Variants in HTRA1 observed in about 807,000 individuals in gnomAD.
HTRA1 encodes serine protease HTRA1.
In HTRA1, 26 loss-of-function variants were observed where a neutral mutation model predicts 49.7. The ratio of observed to expected loss-of-function variants is 0.52; its 90% CI spans 0.38 to 0.73. The LOEUF (loss-of-function observed/expected upper bound fraction) is 0.73. HTRA1 is among the 30% of genes least tolerant of loss of function. The pLI, the probability that HTRA1 is intolerant of heterozygous loss-of-function variation, is 0.00. For synonymous variants in HTRA1, 291 were observed against 286.9 expected, an observed-to-expected ratio of 1.01 and a Z score of -0.14; for missense variants, 561 against 667.2, an observed-to-expected ratio of 0.84 and a Z score of 1.75.
At chr10:122,512,136 G>A (rs779248467) in intron 8 of HTRA1, 71 bp downstream of exon 8, 22 of 1,097,610 alleles carry the variant, frequency 2.0e-5, no homozygotes, top group Admixed American at 8.5e-5. Context: ...AAGAGGGAGC[G>A]CTGTTCCTTT....
At chr10:122,510,273 T>G in intron 7 of HTRA1, 120 bp downstream of exon 7, 8 of 817,668 alleles carry the variant, frequency 9.8e-6, no homozygotes, top group Non-Finnish European at 1.5e-5. Context: ...CAGTTTCTGC[T>G]TATAATGAAG....
chr10:122,509,828 A>G (rs923438532), intron 6 of HTRA1, among the ~76,000 whole-genome samples: 2 of 152,112 alleles, frequency 1.3e-5, no homozygotes, highest in Non-Finnish European at 2.9e-5. Flanking sequence ...TATGGGGGGT[A>G]GAGCAAGCTT....
intron 3 of HTRA1, among the ~76,000 whole-genome samples, chr10:122,498,454 C>T (rs2133443919): frequency 6.6e-6 from 1 of 152,350 alleles, no homozygotes; most frequent in East Asian, 1.9e-4. Flanking sequence ...TTTGTGATCA[C>T]TGATAACCTT....
rs879363672 is a variant in HTRA1, at chr10:122,511,749, AT to A, written c.1179-220del. Among the ~76,000 whole-genome samples the A allele has an allele frequency of 0.089, 7,235 of 81,610 alleles. 241 individuals are homozygous for A. Among genetic ancestry groups the A allele is most frequent in the East Asian group, 0.14 (313 of 2,232 alleles). 53.5% of individuals were successfully genotyped at this position (81,610 alleles called of 152,430 possible). On this transcript the variant is annotated intron_variant, in intron 7 of 8. Coordinates refer to ENST00000368984, the MANE Select transcript of HTRA1 (RefSeq NM_002775.5). ...CTCTGTCTCAAAAAAAAAAAAATAAATAAAAAAAATAAATAAATAATAAAGC... is the reference window on the plus strand; with the variant it reads ...CTCTGTCTCAAAAAAAAAAAAATAAAAAAAAAAATAAATAAATAATAAAGC...
chr10:122,496,090 C>T (rs374703049), intron 3 of HTRA1, among the ~76,000 whole-genome samples: 112 of 152,090 alleles, frequency 7.4e-4, no homozygotes, highest in African/African-American at 2.5e-3. Flanking sequence ...CAATTAACAC[C>T]TTGTCCTCGA....
Position 122,461,891 on chromosome 10 carries a change from A to T in HTRA1, c.239A>T (p.Glu80Val). 7.4e-7 allele frequency: 1 copy of T among 1,357,100 alleles called. No individual in the cohort carries two copies. Among genetic ancestry groups the T allele is most frequent in the Non-Finnish European group, 9.4e-7 (1 of 1,059,900 alleles). 84.1% of individuals were successfully genotyped at this position (1,357,100 alleles called of 1,614,324 possible). Residue 80 changes from glutamate to valine, a missense_variant, in exon 1 of 9, where the codon GAG becomes GTG. Glu to Val is a moderately radical substitution (Grantham distance 121). Coordinates refer to ENST00000368984, the MANE Select transcript of HTRA1 (RefSeq NM_002775.5). Reference protein sequence around the residue: ...APEGAACGLQEGPCGEGLQCV... With the variant: ...APEGAACGLQVGPCGEGLQCV... ...GAGGGCGCCGCGTGCGGCCTGCAGG[A>T]GGGCCCGTGCGGCGAGGGGCTGCAG...
intron 3 of HTRA1, among the ~76,000 whole-genome samples, chr10:122,500,812 C>T (rs976434684): frequency 3.9e-5 from 6 of 152,138 alleles, no homozygotes; most frequent in Admixed American, 1.3e-4. Context: ...ATGGAACTCA[C>T]ACCACACATA....
Position 122,487,418 on chromosome 10 carries a change from G to A in HTRA1, c.473-1484G>A, listed in dbSNP as rs1007666835. On this transcript the variant is annotated intron_variant, in intron 1 of 8. Transcript: ENST00000368984. This position sits in a 1 kb window ranked among gnomAD's most constrained non-coding sequence, Gnocchi z 4.8. ...CACCACCCGTGCCACGAAAATGGGA[G>A]CCCAGGACCCTGAATCTCTAGCAGT... Among the ~76,000 whole-genome samples the A allele has an allele frequency of 6.6e-6, 1 of 152,236 alleles. No individual in the cohort carries two copies. Among genetic ancestry groups the A allele is most frequent in the Non-Finnish European group, 1.5e-5 (1 of 68,036 alleles).
At chr10:122,474,461 C>G (rs2097487542) in intron 1 of HTRA1, among the ~76,000 whole-genome samples, 1 of 152,196 alleles carries the variant, frequency 6.6e-6, no homozygotes, top group South Asian at 2.1e-4. Flanking sequence ...CTCTCTGCAG[C>G]CTCAGGCCCT....
Position 122,514,629 on chromosome 10 carries a change from C to G in HTRA1, c.*270C>G. On this transcript the variant is annotated 3_prime_UTR_variant, in exon 9 of 9. Coordinates refer to ENST00000368984, the MANE Select transcript of HTRA1 (RefSeq NM_002775.5). The stretch of plus-strand genomic sequence containing the variant: ...CCAGCTTGGGCCATTCTTGCTTAGA[C>G]AGTCAGCATTTGTCTCCTCCTTTAA... 1 of 460,880 alleles carries G rather than the reference C, an allele frequency of 2.2e-6. No individual in the cohort carries two copies. The highest frequency in any genetic ancestry group is 4.0e-6 in the Non-Finnish European group (1 of 248,656). 28.5% of individuals were successfully genotyped at this position (460,880 alleles called of 1,614,324 possible).
chr10:122,507,413 T>C lies in HTRA1; in HGVS notation c.1005+11T>C, dbSNP rs2097503526. The C allele has an allele frequency of 6.3e-7, 1 of 1,595,502 alleles. No individual in the cohort carries two copies. Among genetic ancestry groups the C allele is most frequent in the Admixed American group, 1.7e-5 (1 of 59,996 alleles). On this transcript the variant is annotated intron_variant, in intron 5 of 8. Coordinates refer to ENST00000368984, the MANE Select transcript of HTRA1 (RefSeq NM_002775.5). Reference sequence around the variant, plus strand: ...CCGTTAGTAAACCTGGTAAGGTCTTTTAAACCTATGTTAGGTCATTTGTTT... The same window carrying C: ...CCGTTAGTAAACCTGGTAAGGTCTTCTAAACCTATGTTAGGTCATTTGTTT...
At chr10:122,463,436 C>G (rs1278441965) in intron 1 of HTRA1, among the ~76,000 whole-genome samples, 2 of 152,140 alleles carry the variant, frequency 1.3e-5, no homozygotes, top group East Asian at 3.9e-4. Flanking sequence ...AGCACCCAGT[C>G]TGTGTGCCGG....
At chr10:122,481,386 G>T (rs1285126239) in intron 1 of HTRA1, among the ~76,000 whole-genome samples, 1 of 152,168 alleles carries the variant, frequency 6.6e-6, no homozygotes, top group Non-Finnish European at 1.5e-5. Context: ...CCACCCTGAT[G>T]GGATAGATGT....
rs561776674 is a variant in HTRA1, at chr10:122,490,730, T to G, written c.777+1104T>G. Among the ~76,000 whole-genome samples, 193 of 152,310 alleles carry G rather than the reference T, an allele frequency of 1.3e-3. No homozygotes were observed. Among genetic ancestry groups the G allele is most frequent in the Admixed American group, 2.3e-3 (35 of 15,300 alleles). ...ACAAGCGTGGAATTAATCTGGCTGT[T>G]TGTGCTGTTCAGTGGCACGCTGGTT... On this transcript the variant is annotated intron_variant, in intron 3 of 8. Coordinates refer to ENST00000368984, the MANE Select transcript of HTRA1 (RefSeq NM_002775.5). The surrounding 1 kb of genome is among the most constrained non-coding windows in gnomAD (Gnocchi z 4.2).
rs557768800 is a variant in HTRA1 at position 122,468,051 on chromosome 10, A to G, written c.472+5927A>G. 1.8e-3 allele frequency among the ~76,000 whole-genome samples: 272 copies of G among 152,316 alleles called. 1 individual carries two copies. Among genetic ancestry groups the G allele is most frequent in the South Asian group, 0.013 (63 of 4,820 alleles). ...TGCTGAGAGTTCCATTTCTAAATTC[A>G]TTCAGAGCATTTATTTAACACCTAC... On this transcript the variant is annotated intron_variant, in intron 1 of 8. Coordinates refer to ENST00000368984, the MANE Select transcript of HTRA1 (RefSeq NM_002775.5).
chr10:122,501,972 T>G (rs2097501069), intron 3 of HTRA1, among the ~76,000 whole-genome samples: 10 of 50,010 alleles, frequency 2.0e-4, no homozygotes, highest in South Asian at 1.4e-3. Context: ...TTTTTTTTTT[T>G]TTTTTTTTTT....
intron 3 of HTRA1, among the ~76,000 whole-genome samples, chr10:122,505,681 G>A (rs1308950930): frequency 2.0e-5 from 3 of 152,236 alleles, no homozygotes; most frequent in East Asian, 3.8e-4. Flanking sequence ...ATAGACGAAT[G>A]TGAGGCTCTG....
At chr10:122,463,170 C>T (rs2097482323) in intron 1 of HTRA1, among the ~76,000 whole-genome samples, 1 of 152,266 alleles carries the variant, frequency 6.6e-6, no homozygotes, top group Admixed American at 6.5e-5. Context: ...TAGGGGAGCA[C>T]AGTGCAGAGG....
chr10:122,507,496 CA>C (rs2097503582), intron 5 of HTRA1, 94 bp downstream of exon 5: 2 of 988,138 alleles, frequency 2.0e-6, no homozygotes, highest in African/African-American at 1.6e-5. Context: ...GTTTTTGAGG[CA>C]GGGGGTCTTT....
Sources: allele counts gnomAD v4.1 joint callset (sites outside exome capture counted in the v4.1 genomes callset), GRCh38; gene constraint gnomAD v4.1.1; non-coding constraint Gnocchi (gnomAD v3.1); transcripts MANE v1.5; gene names NCBI Gene and HGNC (gene_info 2026-07-23, HGNC 2026-07-21).